ZFYVE9: variants seen among roughly 807,000 people sequenced by gnomAD.
ZFYVE9 encodes the protein zinc finger FYVE domain-containing protein 9.
Under a neutral mutation model 126.7 loss-of-function variants are expected in ZFYVE9, and 43 were observed. The ratio of observed to expected loss-of-function variants is 0.34; its 90% CI spans 0.27 to 0.44. The LOEUF (loss-of-function observed/expected upper bound fraction) is 0.44. Among genes scored for constraint, ZFYVE9 ranks in the 20% least tolerant of loss-of-function variants. The pLI, the probability that ZFYVE9 is intolerant of heterozygous loss-of-function variation, is 1.00. For synonymous variants in ZFYVE9, 521 were observed against 597.4 expected (o/e 0.87, Z 1.87); for missense variants, 1,476 against 1,697.0 (o/e 0.87, Z 2.29).
At chr1:52,278,393 A>G (rs906976776) in intron 8 of ZFYVE9, 99 bp from the exon 9 acceptor site, 4 of 1,470,440 alleles carry the variant, frequency 2.7e-6, no homozygotes, top group Non-Finnish European at 3.8e-6. Context: ...AATCAAATGC[A>G]TGTCTCTTTT....
At chr1:52,256,897 GCACTCTCCTCTCC>G (rs1400629857) in intron 4 of ZFYVE9, among the ~76,000 whole-genome samples, 2 of 152,126 alleles carry the variant, frequency 1.3e-5, no homozygotes, top group Admixed American at 6.5e-5. Flanking sequence ...TCAGTTCTAT[GCACTCTCCTCTCC>G]TGTTTTTATT....
intron 12 of ZFYVE9, among the ~76,000 whole-genome samples, chr1:52,302,055 G>C (rs957357706): frequency 1.3e-5 from 2 of 152,088 alleles, no homozygotes; most frequent in African/African-American, 4.8e-5. Context: ...TTAACATTTT[G>C]TACATGTAGA....
chr1:52,329,815 G>T (rs1346466715), intron 13 of ZFYVE9, among the ~76,000 whole-genome samples: 1 of 152,178 alleles, frequency 6.6e-6, no homozygotes, highest in African/African-American at 2.4e-5. Flanking sequence ...TGAGGCAGGA[G>T]AATGGCGTGA....
At chr1:52,205,892 A>G (rs989407253) in intron 1 of ZFYVE9, among the ~76,000 whole-genome samples, 3 of 152,172 alleles carry the variant, frequency 2.0e-5, no homozygotes, top group African/African-American at 7.2e-5. Context: ...TATAAGACCC[A>G]TCCCTCTTTC....
intron 12 of ZFYVE9, among the ~76,000 whole-genome samples, chr1:52,297,024 C>A (rs1030152084): frequency 6.6e-6 from 1 of 152,078 alleles, no homozygotes; most frequent in Non-Finnish European, 1.5e-5. Flanking sequence ...CCAGACTGAT[C>A]TCAAACTCCT....
chr1:52,263,141 G>A (rs1441824805), intron 4 of ZFYVE9, among the ~76,000 whole-genome samples: 2 of 151,848 alleles, frequency 1.3e-5, no homozygotes, highest in South Asian at 2.1e-4. Flanking sequence ...TTGTTGCCTG[G>A]TGTAGAGGGG....
In ZFYVE9 at chr1:52,216,472, A is replaced by G. The variant is rs1227105877; in HGVS notation, c.-39A>G. On this transcript the variant is annotated splice_region_variant and 5_prime_UTR_variant, in exon 2 of 19. Coordinates refer to ENST00000287727, the MANE Select transcript of ZFYVE9 (RefSeq NM_004799.4). The stretch of plus-strand genomic sequence containing the variant: ...TCCTTATCACGTGTGTAAGGGGAAA[A>G]AGGTAAGAAAATGTTTTTATTTCTC... 5 of 398,368 alleles carry G rather than the reference A, an allele frequency of 1.3e-5. No individual in the cohort carries two copies. The highest frequency in any genetic ancestry group is 4.4e-5 in the Admixed American group (1 of 22,706). The allele number at this position is 398,368 out of a possible 1,614,324, so 24.7% of individuals were successfully genotyped here.
intron 10 of ZFYVE9, among the ~76,000 whole-genome samples, chr1:52,286,957 C>T (rs1251900814): frequency 6.6e-6 from 1 of 152,146 alleles, no homozygotes; most frequent in Non-Finnish European, 1.5e-5. Context: ...GCTATTTCCC[C>T]ACACCCCAAC....
intron 1 of ZFYVE9, among the ~76,000 whole-genome samples, chr1:52,147,093 T>C (rs888820003): frequency 4.6e-5 from 7 of 152,184 alleles, no homozygotes; most frequent in African/African-American, 1.7e-4. Context: ...AGGCTATGCG[T>C]ATAAGTATAC....
At chr1:52,175,407 A>C (rs542227143) in intron 1 of ZFYVE9, among the ~76,000 whole-genome samples, 155 of 149,528 alleles carry the variant, frequency 1.0e-3, no homozygotes, top group African/African-American at 3.6e-3. Context: ...TTTGTGGGTA[A>C]CCCGACCTTT....
chr1:52,186,655 C>T (rs979625604), intron 1 of ZFYVE9, among the ~76,000 whole-genome samples: 1 of 152,166 alleles, frequency 6.6e-6, no homozygotes, highest in Non-Finnish European at 1.5e-5. Context: ...CACTAGCATT[C>T]CTAGACACTG....
At position 52,142,525 on chromosome 1, in the gene ZFYVE9, G is replaced by C. The variant is rs1644268425; in HGVS notation, c.-143+122G>C. 1 of 152,088 alleles carries C rather than the reference G, an allele frequency of 6.6e-6. No individual in the cohort carries two copies. The highest frequency in any genetic ancestry group is 2.4e-5 in the African/African-American group (1 of 41,446). 9.4% of individuals were successfully genotyped at this position (152,088 alleles called of 1,614,324 possible). A position where few individuals can be genotyped will look rare whatever the true frequency, so the allele number is the denominator to read the frequency against. ...CCACTGCGGTCGCCTCCCCCACCCT[G>C]CGGTCCTGGGGCCTCAGCCCTTTCT... On this transcript the variant is annotated intron_variant, in intron 1 of 18. Coordinates refer to ENST00000287727, the MANE Select transcript of ZFYVE9 (RefSeq NM_004799.4). This position sits in a 1 kb window ranked among gnomAD's most constrained non-coding sequence, Gnocchi z 4.5.
chr1:52,265,116 ATACT>A (rs1645619124), intron 5 of ZFYVE9, among the ~76,000 whole-genome samples: 2 of 152,196 alleles, frequency 1.3e-5, no homozygotes, highest in South Asian at 2.1e-4. Context: ...TTCACATGGA[ATACT>A]TACTTTTTAT....
chr1:52,307,896 T>G (rs1368341096), intron 13 of ZFYVE9, among the ~76,000 whole-genome samples: 1 of 151,442 alleles, frequency 6.6e-6, no homozygotes, highest in African/African-American at 2.4e-5. Flanking sequence ...GGACTACAGG[T>G]GTCCGCTACC....
At chr1:52,200,290 C>T (rs905963426) in intron 1 of ZFYVE9, among the ~76,000 whole-genome samples, 4 of 152,058 alleles carry the variant, frequency 2.6e-5, no homozygotes, top group Non-Finnish European at 5.9e-5. Context: ...ACCATTCTTC[C>T]ACCTCAGTCT....
At chr1:52,313,162 C>A (rs1274962027) in intron 13 of ZFYVE9, among the ~76,000 whole-genome samples, 3 of 152,170 alleles carry the variant, frequency 2.0e-5, no homozygotes, top group African/African-American at 7.2e-5. Context: ...GACTTCTAGC[C>A]TCCAGAAATG....
At chr1:52,292,637 A>T (rs1645933752) in intron 10 of ZFYVE9, among the ~76,000 whole-genome samples, 1 of 151,652 alleles carries the variant, frequency 6.6e-6, no homozygotes, top group African/African-American at 2.4e-5. Flanking sequence ...ACGCCTGGCT[A>T]ATTTTTGTAT....
chr1:52,202,617 T>C (rs1314131761), intron 1 of ZFYVE9, among the ~76,000 whole-genome samples: 7 of 151,974 alleles, frequency 4.6e-5, no homozygotes, highest in African/African-American at 1.2e-4. Flanking sequence ...ACAGTCTGTG[T>C]CTTTTCATTG....
intron 12 of ZFYVE9, among the ~76,000 whole-genome samples, 167 bp downstream of exon 12, chr1:52,296,144 C>T (rs1293341266): frequency 6.6e-6 from 1 of 151,326 alleles, no homozygotes; most frequent in Non-Finnish European, 1.5e-5. Context: ...TATATATACA[C>T]ACACACACAT....
Sources: allele counts gnomAD v4.1 joint callset (sites outside exome capture counted in the v4.1 genomes callset), GRCh38; gene constraint gnomAD v4.1.1; non-coding constraint Gnocchi (gnomAD v3.1); transcripts MANE v1.5; gene names NCBI Gene and HGNC (gene_info 2026-07-23, HGNC 2026-07-21).